The following HOXD11 variants were observed in gnomAD, a reference collection of about 807,000 sequenced individuals.
HOXD11 encodes homeobox D11.
Under a neutral mutation model 23.1 loss-of-function variants are expected in HOXD11, and 16 were observed. That is an observed-to-expected ratio of 0.69 (90% confidence interval 0.47 to 1.05). The LOEUF (loss-of-function observed/expected upper bound fraction) is 1.05. HOXD11 is among the 50% of genes least tolerant of loss of function. The pLI, the probability that HOXD11 is intolerant of heterozygous loss-of-function variation, is 0.00. For synonymous variants in HOXD11, 262 were observed against 224.4 expected (o/e 1.17, Z -1.50); for missense variants, 564 against 495.6 (o/e 1.14, Z -1.31).
At chr2:176,112,089 C>T (rs1689683752), downstream of HOXD11, among the ~76,000 whole-genome samples, 1 of 152,104 alleles carries the variant, frequency 6.6e-6, no homozygotes, top group Admixed American at 6.5e-5. Flanking sequence ...TGGGCTGATG[C>T]GGACACGGGA....
rs1574949905 is a variant in HOXD11, at chr2:176,108,920, G to A, written c.795G>A (p.Arg265=). 1 of 1,613,692 alleles carries A rather than the reference G, an allele frequency of 6.2e-7. No individual in the cohort carries two copies. The highest frequency in any genetic ancestry group is 8.5e-7 in the Non-Finnish European group (1 of 1,179,656). Residue 265 remains arginine, a synonymous_variant, in exon 2 of 2, where the codon CGG becomes CGA. Coordinates refer to ENST00000249504, the MANE Select transcript of HOXD11 (RefSeq NM_021192.3). ...TTTGCCTTGCAGTTGCCCCCCAGCG[G>A]TCCCGGAAAAAGCGCTGTCCCTATA... is the stretch of plus-strand genomic sequence containing the variant. ...EKSSSAVAPQ[R]SRKKRCPYTK... is the part of the protein sequence containing the mutation.
downstream of HOXD11, among the ~76,000 whole-genome samples, chr2:176,114,016 G>T (rs1418686041): frequency 6.6e-6 from 1 of 152,158 alleles, no homozygotes; most frequent in Non-Finnish European, 1.5e-5. Context: ...GCATTTGATG[G>T]GCATAAAATT....
At chr2:176,114,183 G>T (rs1217786829), downstream of HOXD11, among the ~76,000 whole-genome samples, 6 of 152,220 alleles carry the variant, frequency 3.9e-5, no homozygotes, top group Admixed American at 3.3e-4. Context: ...GAGTGCAGCG[G>T]GCACTTCATT....
In HOXD11 at chr2:176,107,676, C is replaced by CGCGGCG. The variant is rs976186112; in HGVS notation, c.336_341dup (p.Ala119_Ala120dup). The CGCGGCG allele has an allele frequency of 4.5e-3, 4,463 of 987,970 alleles. 6 individuals carry two copies. The highest frequency in any genetic ancestry group is 5.0e-3 in the Non-Finnish European group (4,147 of 833,624). The allele number at this position is 987,970 out of a possible 1,614,324, so 61.2% of individuals were successfully genotyped here. On this transcript the variant is annotated inframe_insertion, in exon 1 of 2. Transcript: ENST00000249504. ...GCGCGGGGGGCTACGCTCCCTACTA[C>CGCGGCG]GCGGCGGCGGCGGCGGCGGCTGCGG...
downstream of HOXD11, among the ~76,000 whole-genome samples, chr2:176,111,030 A>C (rs1689665738): frequency 6.6e-6 from 1 of 152,202 alleles, no homozygotes; most frequent in Non-Finnish European, 1.5e-5. Context: ...GCAGCCTTAC[A>C]CCTTCATTAA....
Position 176,109,525 on chromosome 2 carries a change from T to G in HOXD11, c.*383T>G. 3.7e-6 allele frequency: 1 copy of G among 268,956 alleles called. No homozygotes were observed. Among genetic ancestry groups the G allele is most frequent in the Non-Finnish European group, 7.1e-6 (1 of 140,466 alleles). 16.7% of individuals were successfully genotyped at this position (268,956 alleles called of 1,614,324 possible). On this transcript the variant is annotated 3_prime_UTR_variant, in exon 2 of 2. Coordinates refer to ENST00000249504, the MANE Select transcript of HOXD11 (RefSeq NM_021192.3). Reference sequence around the variant, plus strand: ...CTCTGAGTTTTAAGAGATCCCTTCCTTCCTCTTCGGTGAATGCAGGTTATT... The same window carrying G: ...CTCTGAGTTTTAAGAGATCCCTTCCGTCCTCTTCGGTGAATGCAGGTTATT...
chr2:176,110,465 C>A (rs1215421638), downstream of HOXD11, among the ~76,000 whole-genome samples: 1 of 152,204 alleles, frequency 6.6e-6, no homozygotes, highest in Non-Finnish European at 1.5e-5. Flanking sequence ...GTCTTAACCT[C>A]TCCTAAGCCC....
chr2:176,113,572 T>C (rs923585320), downstream of HOXD11, among the ~76,000 whole-genome samples: 4 of 152,230 alleles, frequency 2.6e-5, no homozygotes, highest in African/African-American at 9.7e-5. Flanking sequence ...GGCCTTTTTA[T>C]TCCATTTGTC....
chr2:176,111,970 G>A (rs2105390548), downstream of HOXD11, among the ~76,000 whole-genome samples: 1 of 152,214 alleles, frequency 6.6e-6, no homozygotes, highest in African/African-American at 2.4e-5. Context: ...GACGCATGGG[G>A]GACTGGGAGA....
chr2:176,108,803 C>T, intron 1 of HOXD11, 104 bp from the exon 2 acceptor site: 1 of 736,092 alleles, frequency 1.4e-6, no homozygotes, highest in African/African-American at 1.8e-5. Context: ...AGAACGTCCC[C>T]AACGGGGCCA....
At chr2:176,111,519 G>A (rs894231648), downstream of HOXD11, 1 of 151,586 alleles carries the variant, frequency 6.6e-6, no homozygotes, top group South Asian at 2.1e-4. Flanking sequence ...CAGCTAAGGT[G>A]TTTGCTAGTT....
In HOXD11 at chr2:176,108,924, C is replaced by T; in HGVS notation, c.799C>T (p.Arg267Trp). Reference protein sequence around the residue: ...SSSAVAPQRSRKKRCPYTKYQ... With the variant: ...SSSAVAPQRSWKKRCPYTKYQ... ...CCTTGCAGTTGCCCCCCAGCGGTCC[C>T]GGAAAAAGCGCTGTCCCTATACCAA... Residue 267 changes from arginine (R) to tryptophan (W), a missense_variant, in exon 2 of 2, where the codon CGG (arginine) becomes TGG (tryptophan). Coordinates refer to ENST00000249504, the MANE Select transcript of HOXD11 (RefSeq NM_021192.3). The T allele has an allele frequency of 2.5e-6, 4 of 1,613,700 alleles. No individual in the cohort carries two copies. The highest frequency in any genetic ancestry group is 2.2e-5 in the South Asian group (2 of 91,066).
intron 1 of HOXD11, chr2:176,108,659 C>CTCTGTGTG (rs1317895150): frequency 1.3e-4 from 41 of 326,046 alleles, no homozygotes; most frequent in Middle Eastern, 8.7e-4. Context: ...GTGCCAGGCT[C>CTCTGTGTG]TGTGTGTGTG....
At chr2:176,110,087 G>C (rs1047732899), downstream of HOXD11, among the ~76,000 whole-genome samples, 3 of 152,174 alleles carry the variant, frequency 2.0e-5, no homozygotes, top group Non-Finnish European at 4.4e-5. Context: ...AGAAGTTTTC[G>C]AAAAGGAAGT....
intron 1 of HOXD11, 84 bp from the exon 2 acceptor site, chr2:176,108,823 C>T: frequency 1.1e-6 from 1 of 928,166 alleles, no homozygotes; most frequent in South Asian, 1.7e-5. Flanking sequence ...AGGGCCTGGC[C>T]CTCGCTCAGT....
chr2:176,109,067 C>G lies in HOXD11; in HGVS notation c.942C>G (p.Phe314Leu), dbSNP rs1386490893. 4 of 1,614,090 alleles carry G rather than the reference C, an allele frequency of 2.5e-6. No individual in the cohort carries two copies. Among genetic ancestry groups the G allele is most frequent in the Non-Finnish European group, 3.4e-6 (4 of 1,179,940 alleles). Reference protein sequence around the residue: ...NLTDRQVKIWFQNRRMKEKKL... With the variant: ...NLTDRQVKIWLQNRRMKEKKL... ...CTGACCGGCAAGTCAAAATCTGGTT[C>G]CAGAATCGCAGGATGAAAGAAAAGA... Residue 314 changes from phenylalanine to leucine, a missense_variant, in exon 2 of 2, where the codon TTC (phenylalanine) becomes TTG (leucine). By Grantham distance (22) the Phe-to-Leu change is conservative (BLOSUM62 0). Coordinates refer to ENST00000249504, the MANE Select transcript of HOXD11 (RefSeq NM_021192.3).
At chr2:176,112,741 G>C (rs1044264152), downstream of HOXD11, among the ~76,000 whole-genome samples, 3 of 152,238 alleles carry the variant, frequency 2.0e-5, no homozygotes, top group Admixed American at 2.0e-4. Flanking sequence ...GGCCCCAGCG[G>C]CTGCACATCT....
intron 1 of HOXD11, 68 bp from the exon 2 acceptor site, chr2:176,108,839 G>C: frequency 2.8e-6 from 3 of 1,076,024 alleles, no homozygotes; most frequent in East Asian, 5.2e-5. Flanking sequence ...TCAGTGGCCC[G>C]GGCGGGCGGG....
downstream of HOXD11, among the ~76,000 whole-genome samples, chr2:176,114,150 G>C (rs1294458166): frequency 2.6e-5 from 4 of 152,228 alleles, no homozygotes; most frequent in Non-Finnish European, 5.9e-5. Context: ...CGCCAAGCTA[G>C]TGTCAGGGCG....
Sources: gnomAD v4.1 joint callset for allele counts (sites outside exome capture counted in the v4.1 genomes callset) on GRCh38, gnomAD v4.1.1 for gene constraint, MANE v1.5 for transcripts, NCBI Gene and HGNC (gene_info 2026-07-23, HGNC 2026-07-21) for gene names.